Variants in ZNF286A observed in about 807,000 individuals in gnomAD.
ZNF286A encodes the protein zinc finger protein 286A, also known as zinc finger protein ZNF286.
ZNF286A carries 34 observed loss-of-function variants against 49.3 expected under a neutral mutation model. The ratio of observed to expected loss-of-function variants is 0.69; its 90% CI spans 0.52 to 0.92. ZNF286A has a LOEUF of 0.92. Ranked by LOEUF, ZNF286A falls within the 40% of genes least tolerant of loss-of-function variation. ZNF286A has a pLI of 0.00. For synonymous variants in ZNF286A, 155 were observed against 200.4 expected (o/e 0.77, Z 1.91); for missense variants, 462 against 600.2 (o/e 0.77, Z 2.41).
Position 15,708,221 on chromosome 17 carries a change from GA to G in ZNF286A, c.312del (p.Ala105ProfsTer34). The G allele has an allele frequency of 1.3e-6, 2 of 1,591,084 alleles. No individual in the cohort carries two copies. The highest frequency in any genetic ancestry group is 1.7e-5 in the Admixed American group (1 of 57,164). On this transcript the variant is annotated frameshift_variant, in exon 5 of 6. Transcript: ENST00000583566. LOFTEE classifies it high-confidence loss of function. ...GGAAAAGAACCATTGAAGCTTGAGAGAAAAGCCCCCAAAAGCAGCTATTCAG... is the reference window on the plus strand; with the variant it reads ...GGAAAAGAACCATTGAAGCTTGAGAGAAAGCCCCCAAAAGCAGCTATTCAG... ...ENGKEPLKLERKAPKSSYSDM... is the reference protein window; with the variant it reads ...ENGKEPLKLEXKAPKSSYSDM...
chr17:15,704,742 G>C lies in ZNF286A; in HGVS notation c.127-1645G>C. On this transcript the variant is annotated intron_variant, in intron 3 of 5. Coordinates refer to ENST00000583566, the MANE Select transcript of ZNF286A (RefSeq NM_001130842.2). The stretch of plus-strand genomic sequence containing the variant: ...TGCGGAACAGACCTCCAGCATATGG[G>C]GTCCCTTCAGGGCCCTCGATGGTGA... 3 of 1,614,028 alleles carry C rather than the reference G, an allele frequency of 1.9e-6. No individual in the cohort carries two copies. The East Asian group carries it at 6.7e-5, about 36-fold the overall frequency.
At chr17:15,707,756 T>TAA (rs1990345188) in intron 4 of ZNF286A, among the ~76,000 whole-genome samples, 1 of 152,236 alleles carries the variant, frequency 6.6e-6, no homozygotes, top group Non-Finnish European at 1.5e-5. Flanking sequence ...CCACCCTCCC[T>TAA]TACTTCAGCT....
At position 15,718,104 on chromosome 17, in the gene ZNF286A, T is replaced by G. The variant is rs1294931356; in HGVS notation, c.*814T>G. 1 of 150,238 alleles carries G rather than the reference T, an allele frequency of 6.7e-6. No individual in the cohort carries two copies. The highest frequency in any genetic ancestry group is 1.5e-5 in the Non-Finnish European group (1 of 67,502). The allele number at this position is 150,238 out of a possible 1,614,324, so 9.3% of individuals were successfully genotyped here. A position where few individuals can be genotyped will look rare whatever the true frequency, so the allele number is the denominator to read the frequency against. On this transcript the variant is annotated 3_prime_UTR_variant, in exon 6 of 6. Coordinates refer to ENST00000583566, the MANE Select transcript of ZNF286A (RefSeq NM_001130842.2). ...ACCTGCCAGTACGCCTGGCTAATTT[T>G]TTTTGTATTTTTAGTAGAGATGGGG...
chr17:15,700,009 T>C (rs905723882), intron 1 of ZNF286A, 126 bp from the exon 2 acceptor site: 2 of 601,894 alleles, frequency 3.3e-6, no homozygotes, highest in Non-Finnish European at 5.9e-6. Flanking sequence ...GCGGCAGAAT[T>C]TGTCCAAACT....
At chr17:15,702,366 T>C (rs1989843149) in intron 3 of ZNF286A, among the ~76,000 whole-genome samples, 2 of 151,900 alleles carry the variant, frequency 1.3e-5, no homozygotes, top group Non-Finnish European at 2.9e-5. Flanking sequence ...AATACAAAAA[T>C]TAGCTGGGCT....
chr17:15,715,504 C>G (rs1311363907), intron 5 of ZNF286A, among the ~76,000 whole-genome samples: 2 of 152,014 alleles, frequency 1.3e-5, no homozygotes, highest in Non-Finnish European at 1.5e-5. Context: ...CAACAAATAG[C>G]CTTATGCATA....
In ZNF286A at chr17:15,709,164, A is replaced by G. The variant is rs577024417; in HGVS notation, c.334+917A>G. On this transcript the variant is annotated intron_variant, in intron 5 of 5. Transcript: ENST00000583566. ...GGTGTGTGATGTCTTTTATTTTTTA[A>G]GAAATAAAAATATTACATATTCAGT... Among the ~76,000 whole-genome samples, 3 of 151,856 alleles carry G rather than the reference A, an allele frequency of 2.0e-5. No homozygotes were observed. In the South Asian group the frequency reaches 6.3e-4, roughly 32 times the overall value.
In ZNF286A at chr17:15,706,372, T is replaced by C; in HGVS notation, c.127-15T>C. The C allele has an allele frequency of 3.1e-6, 5 of 1,607,342 alleles. No homozygotes were observed. On this transcript the variant is annotated splice_polypyrimidine_tract_variant and intron_variant, in intron 3 of 5. Transcript: ENST00000583566. ...ATTAAGGGAAAGATGTTGAAAAAAATATTTTATGTTTTAGGAAACAGTGAC... is the reference window on the plus strand; with the variant it reads ...ATTAAGGGAAAGATGTTGAAAAAAACATTTTATGTTTTAGGAAACAGTGAC...
chr17:15,704,899 A>T, intron 3 of ZNF286A: 1 of 1,606,168 alleles, frequency 6.2e-7, no homozygotes, highest in Non-Finnish European at 8.5e-7. Context: ...GTTGGAGTTC[A>T]TGGCTGCGGC....
chr17:15,701,904 C>CT (rs1989803451), intron 3 of ZNF286A, among the ~76,000 whole-genome samples: 2 of 151,820 alleles, frequency 1.3e-5, no homozygotes, highest in African/African-American at 4.8e-5. Context: ...AGGTAGATGA[C>CT]TAGGTGAGGA....
chr17:15,704,946 TTCTTCGGTCC>T (rs1303675010), intron 3 of ZNF286A: 1 of 1,504,410 alleles, frequency 6.6e-7, no homozygotes, highest in African/African-American at 1.4e-5. Flanking sequence ...CCTTCCTGCG[TTCTTCGGTCC>T]GCCGGCCGGG....
At chr17:15,711,909 T>C in intron 5 of ZNF286A, among the ~76,000 whole-genome samples, 1 of 131,944 alleles carries the variant, frequency 7.6e-6, no homozygotes, top group African/African-American at 2.8e-5. Context: ...TCTCGCTCTA[T>C]TGCCCAGGCT....
At chr17:15,701,070 G>C in intron 2 of ZNF286A, 82 bp from the exon 3 acceptor site, 1 of 1,097,102 alleles carries the variant, frequency 9.1e-7, no homozygotes, top group East Asian at 2.4e-5. Context: ...AGCACATATA[G>C]TATGTTGAAG....
rs1179546678 is a variant in ZNF286A at position 15,716,403 on chromosome 17, A to G, written c.679A>G (p.Lys227Glu). ...TACACTTGAAAAAAGCTTGAAACAA[A>G]AATCAAACTTAATGAAAAAGCAGAG... ...FHTLEKSLKQ[K>E]SNLMKKQRTY... Residue 227 changes from lysine to glutamate, a missense_variant, in exon 6 of 6, where the codon AAA becomes GAA. By Grantham distance (56) the Lys-to-Glu change is moderately conservative. Coordinates refer to ENST00000583566, the MANE Select transcript of ZNF286A (RefSeq NM_001130842.2). The G allele has an allele frequency of 6.2e-7, 1 of 1,613,496 alleles. No individual in the cohort carries two copies. Among genetic ancestry groups the G allele is most frequent in the East Asian group, 2.2e-5 (1 of 44,876 alleles).
Position 15,717,086 on chromosome 17 carries a change from T to C in ZNF286A, c.1362T>C (p.Ala454=), listed in dbSNP as rs569206611. 1 of 1,614,126 alleles carries C rather than the reference T, an allele frequency of 6.2e-7. No homozygotes were observed. Among genetic ancestry groups the C allele is most frequent in the South Asian group, 1.1e-5 (1 of 91,078 alleles). The change falls in exon 6 of 6, where the codon GCT becomes GCC. Residue 454 remains alanine (A), a synonymous_variant. Transcript: ENST00000583566. ...GKTFSRSSNF[A]KHQRIHIGKK... Reference sequence around the variant, plus strand: ...CCTTCAGCCGGAGCTCCAATTTTGCTAAACATCAAAGAATTCATATTGGAA... The same window carrying C: ...CCTTCAGCCGGAGCTCCAATTTTGCCAAACATCAAAGAATTCATATTGGAA...
At position 15,716,739 on chromosome 17, in the gene ZNF286A, A is replaced by G. The variant is rs1967079908; in HGVS notation, c.1015A>G (p.Thr339Ala). The change falls in exon 6 of 6, where the codon ACA becomes GCA. Residue 339 changes from threonine to alanine, a missense_variant. Thr to Ala is a moderately conservative substitution (Grantham distance 58, BLOSUM62 0). Around this residue, in one of 3 missense-constraint regions of ZNF286A, gnomAD observed 201 missense variants for 311.3 expected, o/e 0.65. Transcript: ENST00000583566. Reference sequence around the variant, plus strand: ...ATGTGGGAAAGGTTTTAATCGAAGTACACATCTTGTGCAGCATCAGTTGAT... The same window carrying G: ...ATGTGGGAAAGGTTTTAATCGAAGTGCACATCTTGTGCAGCATCAGTTGAT... ...NECGKGFNRS[T>A]HLVQHQLIHT... 2.5e-6 allele frequency: 4 copies of G among 1,613,946 alleles called. No homozygotes were observed. Among genetic ancestry groups the G allele is most frequent in the African/African-American group, 2.7e-5 (2 of 75,062 alleles).
intron 5 of ZNF286A, 63 bp downstream of exon 5, chr17:15,708,310 T>C: frequency 2.2e-6 from 3 of 1,374,946 alleles, no homozygotes; most frequent in South Asian, 1.6e-5. Context: ...AGAAATACTT[T>C]TCAGTGCTTA....
rs756787542 is a variant in ZNF286A, at chr17:15,716,278, A to G, written c.554A>G (p.Glu185Gly). The change falls in exon 6 of 6, where the codon GAG becomes GGG. Residue 185 changes from glutamate to glycine, a missense_variant. Physicochemically the swap from Glu to Gly is moderately conservative, Grantham distance 98. Transcript: ENST00000583566. ...EMFTHMNSLSEETDHKHDVYW... is the reference protein window; with the variant it reads ...EMFTHMNSLSGETDHKHDVYW... ...TTCACTCACATGAATTCACTCTCTG[A>G]GGAAACAGACCATAAGCATGATGTA... is the stretch of plus-strand genomic sequence containing the variant. 2 of 1,613,918 alleles carry G rather than the reference A, an allele frequency of 1.2e-6. No individual in the cohort carries two copies. The highest frequency in any genetic ancestry group is 4.5e-5 in the East Asian group (2 of 44,878).
chr17:15,714,422 C>T (rs1449057438), intron 5 of ZNF286A, among the ~76,000 whole-genome samples: 3 of 152,134 alleles, frequency 2.0e-5, no homozygotes, highest in African/African-American at 7.2e-5. Flanking sequence ...ATCTTTACCT[C>T]TACCTACCTA....
Sources: gnomAD v4.1 joint callset for allele counts (sites outside exome capture counted in the v4.1 genomes callset) on GRCh38, gnomAD v4.1.1 for gene constraint, gnomAD v4.1.1 regional missense constraint, MANE v1.5 for transcripts, NCBI Gene and HGNC (gene_info 2026-07-23, HGNC 2026-07-21) for gene names.